Variants in CNKSR2 observed in about 807,000 individuals in gnomAD.
The protein encoded by CNKSR2 is connector enhancer of kinase suppressor of Ras 2, also known as CNK homolog protein 2.
Under a neutral mutation model 84.4 loss-of-function variants are expected in CNKSR2, and 14 were observed. The observed-to-expected ratio is 0.17, with a 90% CI of 0.11 to 0.26. CNKSR2 has a LOEUF of 0.26. Among genes scored for constraint, CNKSR2 ranks in the 10% least tolerant of loss-of-function variants. CNKSR2 has a pLI of 1.00. For missense variants in CNKSR2, 485 were observed against 771.2 expected (o/e 0.63, Z 4.40); for synonymous variants, 275 against 277.9 (o/e 0.99, Z 0.10).
intron 1 of CNKSR2, among the ~76,000 whole-genome samples, chrX:21,416,997 G>A (rs1395308585): frequency 9.0e-6 from 1 of 110,539 alleles, no homozygotes; most frequent in Non-Finnish European, 1.9e-5. Context: ...TCTTTAAGAT[G>A]CATTGTTAGG....
intron 20 of CNKSR2, among the ~76,000 whole-genome samples, chrX:21,612,016 A>G (rs989554539): frequency 8.9e-6 from 1 of 112,138 alleles, no homozygotes; most frequent in Non-Finnish European, 1.9e-5. Context: ...GAAGATGCTT[A>G]TTATTCAATG....
chrX:21,563,967 A>G (rs1427283618), intron 13 of CNKSR2, among the ~76,000 whole-genome samples: 2 of 110,859 alleles, frequency 1.8e-5, no homozygotes, highest in Non-Finnish European at 3.8e-5. Flanking sequence ...AGAGGAACAT[A>G]GGAGAAATAG....
chrX:21,609,584 G>T lies in CNKSR2; in HGVS notation c.2659G>T (p.Gly887Trp). Residue 887 changes from glycine (G) to tryptophan (W), a missense_variant, in exon 20 of 22, where the codon GGG becomes TGG. Physicochemically the swap from Gly to Trp is radical, Grantham distance 184. Coordinates refer to ENST00000379510, the MANE Select transcript of CNKSR2 (RefSeq NM_014927.5). ...EEEEEEEEEE[G>W]EAAGENIGEK... ...AGAGGAGGAGGAGGAGGAGGAGGAA[G>T]GGGAGGCAGCAGGGGAAAACATAGG... The T allele has an allele frequency of 8.3e-7, 1 of 1,208,022 alleles. No homozygotes were observed.
chrX:21,582,958 T>A (rs184942806), intron 13 of CNKSR2, among the ~76,000 whole-genome samples: 358 of 111,695 alleles, frequency 3.2e-3, no homozygotes, highest in South Asian at 8.7e-3. Flanking sequence ...GATGGAACAT[T>A]AACTCTGCCC....
intron 20 of CNKSR2, among the ~76,000 whole-genome samples, chrX:21,638,540 A>G (rs190219252): frequency 2.7e-3 from 301 of 111,937 alleles, no homozygotes; most frequent in Non-Finnish European, 4.8e-3. Flanking sequence ...GATCTCCAGG[A>G]GTATAGTAAC....
At chrX:21,512,174 C>G (rs1489754877) in intron 8 of CNKSR2, among the ~76,000 whole-genome samples, 1 of 111,985 alleles carries the variant, frequency 8.9e-6, no homozygotes, top group Non-Finnish European at 1.9e-5. Context: ...GAGCAAGTCA[C>G]TGCCTTCAAG....
chrX:21,502,630 A>G (rs182631456), intron 8 of CNKSR2, among the ~76,000 whole-genome samples: 2 of 111,287 alleles, frequency 1.8e-5, no homozygotes, highest in Admixed American at 9.5e-5. Flanking sequence ...TTGGTTTTGA[A>G]TAATTTGAGA....
intron 11 of CNKSR2, chrX:21,538,612 G>A (rs2091950353): frequency 8.9e-6 from 1 of 112,033 alleles, no homozygotes; most frequent in Admixed American, 9.5e-5. Context: ...TGACTCACAC[G>A]ATCACCAGGT....
intron 1 of CNKSR2, among the ~76,000 whole-genome samples, chrX:21,377,511 A>G (rs1317350313): frequency 8.9e-6 from 1 of 112,177 alleles, no homozygotes; most frequent in African/African-American, 3.2e-5. Flanking sequence ...CCAAAGAATG[A>G]ACAAGACTGT....
chrX:21,374,657 A>T lies in CNKSR2; in HGVS notation c.-241A>T, dbSNP rs1008146564. On this transcript the variant is annotated 5_prime_UTR_variant, in exon 1 of 22. Transcript: ENST00000379510. The stretch of plus-strand genomic sequence containing the variant: ...CCGCCGCCGCCGCCGCCTTAGCGGG[A>T]ACTGAGCAGACCCGGCGCGGAGCCA... 3 of 511,327 alleles carry T rather than the reference A, an allele frequency of 5.9e-6. No homozygotes were observed. Among genetic ancestry groups the T allele is most frequent in the Non-Finnish European group, 1.0e-5 (3 of 289,241 alleles). The allele number at this position is 511,327 out of a possible 1,213,427, so 42.1% of individuals were successfully genotyped here.
intron 1 of CNKSR2, among the ~76,000 whole-genome samples, chrX:21,416,053 A>G (rs946718274): frequency 1.8e-5 from 2 of 110,980 alleles, no homozygotes; most frequent in Non-Finnish European, 1.9e-5. Flanking sequence ...GTTTTTCCCT[A>G]TTCATTATGA....
intron 7 of CNKSR2, among the ~76,000 whole-genome samples, chrX:21,499,385 A>T (rs2091536165): frequency 9.0e-6 from 1 of 111,473 alleles, no homozygotes; most frequent in South Asian, 3.8e-4. Flanking sequence ...ATGGATGGAC[A>T]AAGGGAAGAA....
intron 13 of CNKSR2, among the ~76,000 whole-genome samples, chrX:21,573,305 G>T (rs1426479170): frequency 8.9e-6 from 1 of 112,133 alleles, no homozygotes; most frequent in Non-Finnish European, 1.9e-5. Context: ...CAGGAGCACA[G>T]TGCAAGCTGT....
At chrX:21,568,513 T>A (rs1028975989) in intron 13 of CNKSR2, among the ~76,000 whole-genome samples, 2 of 111,909 alleles carry the variant, frequency 1.8e-5, no homozygotes, top group Non-Finnish European at 3.8e-5. Context: ...TGTCTTTGTT[T>A]TTTTAGGATA....
chrX:21,410,426 G>C (rs1399550062), intron 1 of CNKSR2, among the ~76,000 whole-genome samples: 1 of 110,783 alleles, frequency 9.0e-6, no homozygotes, highest in Admixed American at 9.6e-5. Context: ...GTTTTCCTGG[G>C]TTAAGTAAAA....
intron 1 of CNKSR2, among the ~76,000 whole-genome samples, chrX:21,421,472 A>G (rs2090495822): frequency 9.2e-6 from 1 of 109,019 alleles, no homozygotes; most frequent in South Asian, 4.0e-4. Context: ...CTGTTCTACC[A>G]TCTTGCTCCA....
chrX:21,419,039 A>G (rs1400802458), intron 1 of CNKSR2, among the ~76,000 whole-genome samples: 5 of 110,724 alleles, frequency 4.5e-5, no homozygotes, highest in Non-Finnish European at 1.9e-5. Flanking sequence ...TAACTCTTAT[A>G]TATTCCCTTT....
intron 1 of CNKSR2, among the ~76,000 whole-genome samples, chrX:21,398,440 T>C (rs1569145717): frequency 8.9e-6 from 1 of 112,331 alleles, no homozygotes; most frequent in Non-Finnish European, 1.9e-5. Context: ...CTGTTGCATG[T>C]TAATTTTTAG....
intron 13 of CNKSR2, among the ~76,000 whole-genome samples, chrX:21,576,308 A>T (rs1427152479): frequency 8.9e-6 from 1 of 112,289 alleles, no homozygotes; most frequent in African/African-American, 3.2e-5. Flanking sequence ...ATTAAAGAAC[A>T]TACTTCTAAA....
Sources: gnomAD v4.1 joint callset for allele counts (sites outside exome capture counted in the v4.1 genomes callset) on GRCh38, gnomAD v4.1.1 for gene constraint, MANE v1.5 for transcripts, NCBI Gene and HGNC (gene_info 2026-07-23, HGNC 2026-07-21) for gene names.